CADPS2: variants seen among roughly 807,000 people sequenced by gnomAD.
CADPS2 encodes calcium dependent secretion activator 2.
Under a neutral mutation model 172.5 loss-of-function variants are expected in CADPS2, and 93 were observed. The observed-to-expected ratio is 0.54, with a 90% CI of 0.46 to 0.64. CADPS2 has a LOEUF of 0.64. Ranked by LOEUF, CADPS2 falls within the 30% of genes least tolerant of loss-of-function variation. CADPS2 has a pLI of 0.00. For missense variants in CADPS2, 1,420 were observed against 1,565.9 expected, an observed-to-expected ratio of 0.91 and a Z score of 1.57; for synonymous variants, 546 against 555.2, an observed-to-expected ratio of 0.98 and a Z score of 0.23.
In CADPS2 at chr7:122,521,337, T is replaced by C. The variant is rs2060774563; in HGVS notation, c.1476-8022A>G. On this transcript the variant is annotated intron_variant, in intron 8 of 29. Coordinates refer to ENST00000449022, the MANE Select transcript of CADPS2 (RefSeq NM_017954.11). ...TCTGTGGGCACCATTGCATTTGAAG[T>C]GAAAACCAATAGGGACCAAATGCCC... Among the ~76,000 whole-genome samples the C allele has an allele frequency of 3.3e-5, 5 of 152,106 alleles. No individual in the cohort carries two copies. In the South Asian group the frequency reaches 1.0e-3, roughly 32 times the overall value.
At position 122,360,990 on chromosome 7, in the gene CADPS2, C is replaced by A. The variant is rs767173508; in HGVS notation, c.3411G>T (p.Val1137=). The A allele has an allele frequency of 1.4e-5, 23 of 1,613,712 alleles. No homozygotes were observed. The East Asian group carries it at 5.1e-4, about 36-fold the overall frequency. The change falls in exon 26 of 30, where the codon GTG becomes GTT. Residue 1137 remains valine, a synonymous_variant. Transcript: ENST00000449022. ...VSKFVSVLEG[V]LSKLSRYDEG... is the part of the protein sequence containing the mutation. ...CATCATACCTTGACAGCTTAGACAA[C>A]ACGCCTTCCAACACTGAAACAAACT...
At chr7:122,747,964 C>T (rs1266807766) in intron 1 of CADPS2, among the ~76,000 whole-genome samples, 1 of 152,072 alleles carries the variant, frequency 6.6e-6, no homozygotes, top group Non-Finnish European at 1.5e-5. Flanking sequence ...ACTTCTGTAC[C>T]TCATACATAC....
chr7:122,629,707 A>C (rs2076399245), intron 3 of CADPS2, among the ~76,000 whole-genome samples: 1 of 152,156 alleles, frequency 6.6e-6, no homozygotes, highest in South Asian at 2.1e-4. Context: ...TACTTTAAAA[A>C]AACTCCCTTT....
intron 6 of CADPS2, among the ~76,000 whole-genome samples, chr7:122,599,669 A>G (rs942949174): frequency 2.6e-5 from 4 of 152,112 alleles, no homozygotes; most frequent in African/African-American, 7.2e-5. Flanking sequence ...TCAACCGTAG[A>G]ATTTATTTTA....
intron 1 of CADPS2, among the ~76,000 whole-genome samples, chr7:122,770,057 T>C (rs986785764): frequency 2.6e-5 from 4 of 152,142 alleles, no homozygotes; most frequent in Admixed American, 6.6e-5. Context: ...GCCTGACACA[T>C]AGAAAGGTTA....
Position 122,850,225 on chromosome 7 carries a change from G to A in CADPS2, c.339+35774C>T, listed in dbSNP as rs575429206. 2.1e-4 allele frequency: 220 copies of A among 1,070,522 alleles called. No homozygotes were observed. The African/African-American group carries it at 3.1e-3, about 15-fold the overall frequency. The allele number at this position is 1,070,522 out of a possible 1,614,324, so 66.3% of individuals were successfully genotyped here. A position where few individuals can be genotyped will look rare whatever the true frequency, so the allele number is the denominator to read the frequency against. ...AGGCTATAACTCGCCAAGTGACAGG[G>A]ACCCAGAGGCCCCCTGACCCAGCTC... On this transcript the variant is annotated intron_variant, in intron 1 of 29. Transcript: ENST00000449022.
intron 1 of CADPS2, among the ~76,000 whole-genome samples, chr7:122,844,128 C>A (rs970632368): frequency 6.6e-6 from 1 of 152,286 alleles, no homozygotes; most frequent in East Asian, 1.9e-4. Context: ...CTCACACGGC[C>A]CCACTAGGGA....
At chr7:122,794,411 T>C (rs961968823) in intron 1 of CADPS2, among the ~76,000 whole-genome samples, 1 of 152,138 alleles carries the variant, frequency 6.6e-6, no homozygotes, top group African/African-American at 2.4e-5. Flanking sequence ...TGCTTGTAAT[T>C]GCATTATAAA....
intron 1 of CADPS2, among the ~76,000 whole-genome samples, chr7:122,748,881 G>T (rs1011248793): frequency 2.0e-5 from 3 of 152,016 alleles, no homozygotes; most frequent in African/African-American, 7.2e-5. Flanking sequence ...ATAAGGGGGT[G>T]GGGGAGGGAT....
intron 6 of CADPS2, among the ~76,000 whole-genome samples, chr7:122,612,748 G>A (rs917392246): frequency 3.3e-5 from 5 of 151,984 alleles, no homozygotes; most frequent in African/African-American, 1.2e-4. Flanking sequence ...ATCTTCAAAA[G>A]CAACATAGGT....
chr7:122,445,801 G>A (rs758462692), intron 15 of CADPS2, among the ~76,000 whole-genome samples: 5 of 152,146 alleles, frequency 3.3e-5, no homozygotes, highest in African/African-American at 2.4e-5. Flanking sequence ...GAGACAGGGC[G>A]ACAGAGTAAG....
chr7:122,733,365 T>C (rs2091865255), intron 2 of CADPS2, among the ~76,000 whole-genome samples: 1 of 151,988 alleles, frequency 6.6e-6, no homozygotes, highest in African/African-American at 2.4e-5. Context: ...CAAGTATTCA[T>C]TGAATATATT....
At chr7:122,544,176 C>G (rs2063382506) in intron 8 of CADPS2, among the ~76,000 whole-genome samples, 1 of 151,914 alleles carries the variant, frequency 6.6e-6, no homozygotes, top group Admixed American at 6.6e-5. Context: ...TTGAATGATT[C>G]AAATGTCCAT....
chr7:122,778,641 A>T (rs1171002486), intron 1 of CADPS2, among the ~76,000 whole-genome samples: 1 of 152,222 alleles, frequency 6.6e-6, no homozygotes, highest in Non-Finnish European at 1.5e-5. Context: ...CTCCAGCCAC[A>T]GCTAAAGGAC....
chr7:122,761,969 G>C lies in CADPS2; in HGVS notation c.340-24901C>G, dbSNP rs1260044873. Among the ~76,000 whole-genome samples, 4 of 137,034 alleles carry C rather than the reference G, an allele frequency of 2.9e-5. No homozygotes were observed. In the South Asian group the frequency reaches 8.9e-4, roughly 31 times the overall value. 89.9% of individuals were successfully genotyped at this position (137,034 alleles called of 152,430 possible). Reference sequence around the variant, plus strand: ...GCCATGATCATGCCACTACACTCTAGCCTGGGTGAAAAGTGAGACTCTGCC... The same window carrying C: ...GCCATGATCATGCCACTACACTCTACCCTGGGTGAAAAGTGAGACTCTGCC... On this transcript the variant is annotated intron_variant, in intron 1 of 29. Transcript: ENST00000449022.
chr7:122,776,036 A>C (rs775430105), intron 1 of CADPS2, among the ~76,000 whole-genome samples: 1 of 152,180 alleles, frequency 6.6e-6, no homozygotes, highest in Non-Finnish European at 1.5e-5. Flanking sequence ...AACAACAAAA[A>C]GGAGGGTTTT....
intron 8 of CADPS2, among the ~76,000 whole-genome samples, chr7:122,536,588 ACAGGCGAGAGAC>A (rs1237725155): frequency 2.6e-5 from 4 of 152,072 alleles, no homozygotes; most frequent in Non-Finnish European, 5.9e-5. Flanking sequence ...AAGCACACAA[ACAGGCGAGAGAC>A]CATTTACTGA....
intron 6 of CADPS2, chr7:122,585,560 T>C (rs998609876): frequency 6.6e-6 from 1 of 151,868 alleles, no homozygotes; most frequent in Non-Finnish European, 1.5e-5. Flanking sequence ...AATTGGCATA[T>C]TTAAACCCTG....
At chr7:122,827,360 G>A (rs1435449613) in intron 1 of CADPS2, among the ~76,000 whole-genome samples, 2 of 152,138 alleles carry the variant, frequency 1.3e-5, no homozygotes, top group South Asian at 2.1e-4. Flanking sequence ...AATATTTAAA[G>A]AATTAGCTAT....
Sources: allele counts gnomAD v4.1 joint callset (sites outside exome capture counted in the v4.1 genomes callset), GRCh38; gene constraint gnomAD v4.1.1; transcripts MANE v1.5; gene names NCBI Gene and HGNC (gene_info 2026-07-23, HGNC 2026-07-21).